Variants in TRIM25 observed in about 807,000 individuals in gnomAD.
TRIM25 encodes tripartite motif containing 25.
A neutral mutation model predicts 65.2 loss-of-function variants in TRIM25; 45 were observed. The observed-to-expected ratio is 0.69, with a 90% CI of 0.54 to 0.89. TRIM25 has a LOEUF of 0.89. Among genes scored for constraint, TRIM25 ranks in the 40% least tolerant of loss-of-function variants. TRIM25 has a pLI of 0.00. For synonymous variants in TRIM25, 321 were observed against 340.4 expected (o/e 0.94, Z 0.63); for missense variants, 714 against 803.7 (o/e 0.89, Z 1.35).
Position 56,889,793 on chromosome 17 carries a change from A to G in TRIM25, c.*1907T>C. ...TGGTTTCAGACAAGGCTTTCGTTTC[A>G]GAAAATCAATGAAGATGCTTTTGAT... is the stretch of plus-strand genomic sequence containing the variant. On this transcript the variant is annotated 3_prime_UTR_variant, in exon 9 of 9. Coordinates refer to ENST00000316881, the MANE Select transcript of TRIM25 (RefSeq NM_005082.5). 1 of 398,630 alleles carries G rather than the reference A, an allele frequency of 2.5e-6. No homozygotes were observed. Among genetic ancestry groups the G allele is most frequent in the Non-Finnish European group, 4.4e-6 (1 of 226,062 alleles). 24.7% of individuals were successfully genotyped at this position (398,630 alleles called of 1,614,324 possible). A position where few individuals can be genotyped will look rare whatever the true frequency, so the allele number is the denominator to read the frequency against.
intron 1 of TRIM25, chr17:56,912,935 T>A (rs2144366403): frequency 6.5e-6 from 1 of 153,440 alleles, no homozygotes; most frequent in South Asian, 2.0e-4. Context: ...GCTCAGGAAT[T>A]CGAGACCAGC....
chr17:56,895,279 T>C (rs1476601423), intron 8 of TRIM25, 64 bp downstream of exon 8: 3 of 1,356,290 alleles, frequency 2.2e-6, no homozygotes, highest in Non-Finnish European at 3.1e-6. Flanking sequence ...CACAGAGAGC[T>C]GCACAGAGCG....
In TRIM25 at chr17:56,905,403, A is replaced by T. The variant is rs1247096348; in HGVS notation, c.694-915T>A. Among the ~76,000 whole-genome samples, 3 of 152,110 alleles carry T rather than the reference A, an allele frequency of 2.0e-5. No individual in the cohort carries two copies. In the East Asian group the frequency reaches 5.8e-4, roughly 29 times the overall value. On this transcript the variant is annotated intron_variant, in intron 2 of 8. Transcript: ENST00000316881. ...AAATAAAACAAAACAAAAAGTCAGGATGCAGCTCTGGAAAATTTCTAGAGA... is the reference window on the plus strand; with the variant it reads ...AAATAAAACAAAACAAAAAGTCAGGTTGCAGCTCTGGAAAATTTCTAGAGA...
intron 2 of TRIM25, 67 bp from the exon 3 acceptor site, chr17:56,904,555 A>G (rs1567841295): frequency 3.5e-6 from 5 of 1,415,418 alleles, no homozygotes; most frequent in South Asian, 1.2e-5. Flanking sequence ...AGCCCCAAGC[A>G]TGGGTGAGAT....
rs1909153174 is a variant in TRIM25, at chr17:56,890,768, C to T, written c.*932G>A. The stretch of plus-strand genomic sequence containing the variant: ...GAGTTGTCAGTAAGAAGGCAGGACA[C>T]TCTAACACGAGCAAACCCACCAGGC... On this transcript the variant is annotated 3_prime_UTR_variant, in exon 9 of 9. Transcript: ENST00000316881. 1 of 456,516 alleles carries T rather than the reference C, an allele frequency of 2.2e-6. No individual in the cohort carries two copies. Among genetic ancestry groups the T allele is most frequent in the Non-Finnish European group, 4.4e-6 (1 of 226,954 alleles). The allele number at this position is 456,516 out of a possible 1,614,324, so 28.3% of individuals were successfully genotyped here.
In TRIM25 at chr17:56,889,557, C is replaced by G; in HGVS notation, c.*2143G>C. On this transcript the variant is annotated 3_prime_UTR_variant, in exon 9 of 9. Transcript: ENST00000316881. ...AGGATGCACTCCTCAATTTACAACT[C>G]CAAAGCACCTTGCACAGAGCTTGGC... is the stretch of plus-strand genomic sequence containing the variant. 1 of 392,152 alleles carries G rather than the reference C, an allele frequency of 2.6e-6. No individual in the cohort carries two copies. 24.3% of individuals were successfully genotyped at this position (392,152 alleles called of 1,614,324 possible).
Position 56,914,049 on chromosome 17 carries a change from G to C in TRIM25, c.-61C>G, listed in dbSNP as rs200623074. 560 of 1,210,838 alleles carry C rather than the reference G, an allele frequency of 4.6e-4. No individual in the cohort carries two copies. Among genetic ancestry groups the C allele is most frequent in the Non-Finnish European group, 5.8e-4 (547 of 937,396 alleles). 75.0% of individuals were successfully genotyped at this position (1,210,838 alleles called of 1,614,324 possible). A position where few individuals can be genotyped will look rare whatever the true frequency, so the allele number is the denominator to read the frequency against. On this transcript the variant is annotated 5_prime_UTR_variant, in exon 1 of 9. Coordinates refer to ENST00000316881, the MANE Select transcript of TRIM25 (RefSeq NM_005082.5). Reference sequence around the variant, plus strand: ...CGCGCTCCGAGGCCGCCGAGGAAACGAAACCTAGCTCGAGAGGAGCAGTCC... The same window carrying C: ...CGCGCTCCGAGGCCGCCGAGGAAACCAAACCTAGCTCGAGAGGAGCAGTCC...
intron 5 of TRIM25, among the ~76,000 whole-genome samples, chr17:56,896,331 A>T (rs1264355794): frequency 7.9e-6 from 1 of 127,274 alleles, no homozygotes; most frequent in East Asian, 2.3e-4. Context: ...AAACACAAAA[A>T]CCAAATAGGG....
At chr17:56,895,812 C>A (rs1909281010) in intron 6 of TRIM25, 114 bp downstream of exon 6, 1 of 1,373,910 alleles carries the variant, frequency 7.3e-7, no homozygotes, top group African/African-American at 1.5e-5. Context: ...AGAATGGAAT[C>A]ATATAGAACC....
At chr17:56,906,076 A>G (rs1026187511) in intron 2 of TRIM25, among the ~76,000 whole-genome samples, 2 of 152,270 alleles carry the variant, frequency 1.3e-5, no homozygotes, top group Non-Finnish European at 2.9e-5. Context: ...AGTAGCTGCA[A>G]TTTTGTTTCA....
rs564358497 is a variant in TRIM25, at chr17:56,888,857, T to G, written c.*2843A>C. 2.0e-4 allele frequency: 31 copies of G among 152,324 alleles called. No homozygotes were observed. Among genetic ancestry groups the G allele is most frequent in the African/African-American group, 7.5e-4 (31 of 41,542 alleles). 9.4% of individuals were successfully genotyped at this position (152,324 alleles called of 1,614,324 possible). Reference sequence around the variant, plus strand: ...GCAGTAGCCGTCTGTAGTGGGCGGCTCATCTGCTGACAACAGTATGACGAA... The same window carrying G: ...GCAGTAGCCGTCTGTAGTGGGCGGCGCATCTGCTGACAACAGTATGACGAA... On this transcript the variant is annotated 3_prime_UTR_variant, in exon 9 of 9. Coordinates refer to ENST00000316881, the MANE Select transcript of TRIM25 (RefSeq NM_005082.5).
Position 56,901,566 on chromosome 17 carries a change from G to C in TRIM25, c.940C>G (p.Leu314Val), listed in dbSNP as rs1484315074. 1 of 1,614,160 alleles carries C rather than the reference G, an allele frequency of 6.2e-7. No individual in the cohort carries two copies. Residue 314 changes from leucine (L) to valine (V), a missense_variant, in exon 4 of 9, where the codon CTG becomes GTG. Physicochemically the swap from Leu to Val is conservative, Grantham distance 32. This residue lies in a region of TRIM25 where 413 missense variants were observed against 498.2 expected (regional missense o/e 0.83). Transcript: ENST00000316881. ...EFEFLEKASK[L>V]RGISTKPVYI... Reference sequence around the variant, plus strand: ...ACTGGCTTTGTTGAGATTCCTCGCAGTTTTGATGCTTTCTGGAACATGCCA... The same window carrying C: ...ACTGGCTTTGTTGAGATTCCTCGCACTTTTGATGCTTTCTGGAACATGCCA...
chr17:56,913,190 A>G lies in TRIM25; in HGVS notation c.597+202T>C. The G allele has an allele frequency of 2.3e-6, 1 of 434,978 alleles. No homozygotes were observed. Among genetic ancestry groups the G allele is most frequent in the South Asian group, 6.9e-5 (1 of 14,548 alleles). 26.9% of individuals were successfully genotyped at this position (434,978 alleles called of 1,614,324 possible). Reference sequence around the variant, plus strand: ...AGACAATGACAGGATTATGGCAAGCAACCTAACCTGTCTTCATGGATGATG... The same window carrying G: ...AGACAATGACAGGATTATGGCAAGCGACCTAACCTGTCTTCATGGATGATG... On this transcript the variant is annotated intron_variant, in intron 1 of 8. Coordinates refer to ENST00000316881, the MANE Select transcript of TRIM25 (RefSeq NM_005082.5). This position sits in a 1 kb window ranked among gnomAD's most constrained non-coding sequence, Gnocchi z 6.1.
chr17:56,887,974 G>A lies in TRIM25; in HGVS notation c.*3726C>T, dbSNP rs1264976461. On this transcript the variant is annotated 3_prime_UTR_variant, in exon 9 of 9. Coordinates refer to ENST00000316881, the MANE Select transcript of TRIM25 (RefSeq NM_005082.5). The stretch of plus-strand genomic sequence containing the variant: ...CTCCACAAGCCAAGGAAGACACAGG[G>A]AAAGGTCTGGAAGGGTCTTGAGCAC... 3 of 152,244 alleles carry A rather than the reference G, an allele frequency of 2.0e-5. No homozygotes were observed. Among genetic ancestry groups the A allele is most frequent in the Admixed American group, 6.5e-5 (1 of 15,282 alleles). The allele number at this position is 152,244 out of a possible 1,614,324, so 9.4% of individuals were successfully genotyped here. A position where few individuals can be genotyped will look rare whatever the true frequency, so the allele number is the denominator to read the frequency against.
At chr17:56,895,243 G>A (rs1909266324) in intron 8 of TRIM25, 100 bp downstream of exon 8, 1 of 843,272 alleles carries the variant, frequency 1.2e-6, no homozygotes, top group Non-Finnish European at 1.9e-6. Context: ...GAAGGGGAGT[G>A]GCTGATATAG....
rs1313738983 is a variant in TRIM25, at chr17:56,888,536, A to C, written c.*3164T>G. ...AAAGCTTTTTATTATAGACATTTTC[A>C]AACATATACAACAGTAAAATGAATA... is the stretch of plus-strand genomic sequence containing the variant. On this transcript the variant is annotated 3_prime_UTR_variant, in exon 9 of 9. Transcript: ENST00000316881. The C allele has an allele frequency of 1.3e-5, 2 of 151,988 alleles. No homozygotes were observed. The highest frequency in any genetic ancestry group is 3.9e-4 in the East Asian group (2 of 5,194). The allele number at this position is 151,988 out of a possible 1,614,324, so 9.4% of individuals were successfully genotyped here. A position where few individuals can be genotyped will look rare whatever the true frequency, so the allele number is the denominator to read the frequency against.
chr17:56,908,290 T>C (rs943316804), intron 2 of TRIM25, among the ~76,000 whole-genome samples, 178 bp downstream of exon 2: 1 of 152,234 alleles, frequency 6.6e-6, no homozygotes, highest in Non-Finnish European at 1.5e-5. Flanking sequence ...GGTTTGGGTT[T>C]GCAAAGGATC....
In TRIM25 at chr17:56,913,473, G is replaced by T. The variant is rs868642609; in HGVS notation, c.516C>A (p.Ser172Arg). ...CCAGGCAGATGTGGCAGATGCACTC[G>T]CTGTGCTCGGGGCAGAAAAATTCCC... ...RLREFFCPEHSECICHICLVE... is the reference protein window; with the variant it reads ...RLREFFCPEHRECICHICLVE... Residue 172 changes from serine to arginine, a missense_variant, in exon 1 of 9, where the codon AGC (serine) becomes AGA (arginine). Coordinates refer to ENST00000316881, the MANE Select transcript of TRIM25 (RefSeq NM_005082.5). The surrounding 1 kb of genome is among the most constrained non-coding windows in gnomAD (Gnocchi z 6.1). 1.2e-6 allele frequency: 2 copies of T among 1,612,502 alleles called. No individual in the cohort carries two copies. Among genetic ancestry groups the T allele is most frequent in the African/African-American group, 1.3e-5 (1 of 74,920 alleles).
At chr17:56,905,390 A>G (rs1478103529) in intron 2 of TRIM25, among the ~76,000 whole-genome samples, 3 of 152,092 alleles carry the variant, frequency 2.0e-5, no homozygotes, top group East Asian at 3.9e-4. Flanking sequence ...ATAAAACAAA[A>G]CAAAAAGTCA....
Sources: gnomAD v4.1 joint callset for allele counts (sites outside exome capture counted in the v4.1 genomes callset) on GRCh38, gnomAD v4.1.1 for gene constraint, gnomAD v4.1.1 regional missense constraint, Gnocchi (gnomAD v3.1) non-coding constraint, MANE v1.5 for transcripts, NCBI Gene and HGNC (gene_info 2026-07-23, HGNC 2026-07-21) for gene names.